Variants in DNM1L observed in about 807,000 individuals in gnomAD.
DNM1L encodes the protein dynamin 1L.
Under a neutral mutation model 92.8 loss-of-function variants are expected in DNM1L, and 33 were observed. The ratio of observed to expected loss-of-function variants is 0.36; its 90% CI spans 0.27 to 0.48. The LOEUF is 0.48. DNM1L is among the 20% of genes least tolerant of loss of function. DNM1L has a pLI of 0.99. For synonymous variants in DNM1L, 284 were observed against 305.0 expected (o/e 0.93, Z 0.72); for missense variants, 485 against 888.8 (o/e 0.55, Z 5.78).
At chr12:32,688,350 T>G (rs1952107170) in intron 1 of DNM1L, among the ~76,000 whole-genome samples, 1 of 152,220 alleles carries the variant, frequency 6.6e-6, no homozygotes, top group Admixed American at 6.5e-5. Context: ...TAAGTTAGAA[T>G]TTTTGATGGG....
intron 18 of DNM1L, among the ~76,000 whole-genome samples, chr12:32,741,248 GA>G (rs375980533): frequency 2.6e-5 from 4 of 152,144 alleles, no homozygotes; most frequent in Admixed American, 1.3e-4. Flanking sequence ...TGGGCCTGAA[GA>G]AAAAAATTCC....
intron 19 of DNM1L, among the ~76,000 whole-genome samples, 187 bp downstream of exon 19, chr12:32,742,935 G>A (rs1425902594): frequency 2.5e-5 from 3 of 119,978 alleles, no homozygotes; most frequent in Non-Finnish European, 4.8e-5. Flanking sequence ...TGGCTCTGTC[G>A]CCCAGGCTGG....
chr12:32,738,993 C>T (rs769959124), intron 16 of DNM1L, among the ~76,000 whole-genome samples: 5 of 152,154 alleles, frequency 3.3e-5, no homozygotes, highest in Admixed American at 6.5e-5. Flanking sequence ...TCATTCATGA[C>T]GTCACACTGA....
chr12:32,679,305 G>T lies in DNM1L; in HGVS notation c.-59G>T, dbSNP rs58142640. ...AGAGGAGGAAGGAGGCGAACTGTGG[G>T]CCCCGGCCCCATTCATTGCCGTGGC... On this transcript the variant is annotated 5_prime_UTR_variant, in exon 1 of 20. Coordinates refer to ENST00000549701, the MANE Select transcript of DNM1L (RefSeq NM_012062.5). 2.6e-4 allele frequency: 322 copies of T among 1,221,620 alleles called. 2 individuals carry two copies. The African/African-American group carries it at 4.4e-3, about 17-fold the overall frequency. 75.7% of individuals were successfully genotyped at this position (1,221,620 alleles called of 1,614,324 possible).
chr12:32,738,288 A>G lies in DNM1L; in HGVS notation c.1699A>G (p.Thr567Ala). 6.2e-7 allele frequency: 1 copy of G among 1,613,670 alleles called. No homozygotes were observed. Among genetic ancestry groups the G allele is most frequent in the Non-Finnish European group, 8.5e-7 (1 of 1,179,750 alleles). ...GTTAATTCAGGACAGCAGAAGAGAA[A>G]CTAAAAATGTGAGTCTCTTGCTTCA... Reference protein sequence around the residue: ...GKLIQDSRRETKNVASGGGGV... With the variant: ...GKLIQDSRREAKNVASGGGGV... The change falls in exon 16 of 20, where the codon ACT becomes GCT. Residue 567 changes from threonine to alanine, a missense_variant. This residue lies in a region of DNM1L where 133 missense variants were observed against 210.9 expected (regional missense o/e 0.63). Coordinates refer to ENST00000549701, the MANE Select transcript of DNM1L (RefSeq NM_012062.5).
At chr12:32,698,257 C>T (rs754290169) in intron 1 of DNM1L, among the ~76,000 whole-genome samples, 12 of 152,090 alleles carry the variant, frequency 7.9e-5, no homozygotes, top group Non-Finnish European at 1.5e-5. Flanking sequence ...GCCCCTATGT[C>T]GTCTGTCTTC....
chr12:32,717,606 T>C (rs1953523441), intron 6 of DNM1L, among the ~76,000 whole-genome samples: 1 of 109,322 alleles, frequency 9.1e-6, no homozygotes, highest in Non-Finnish European at 1.7e-5. Flanking sequence ...AAAAAATACA[T>C]ATACCTAGGT....
chr12:32,725,593 C>T (rs187631376), intron 9 of DNM1L: 1 of 152,016 alleles, frequency 6.6e-6, no homozygotes, highest in Non-Finnish European at 1.5e-5. Context: ...AATTCTTAAC[C>T]ATATAGTTGT....
chr12:32,740,652 T>G (rs541524343), intron 18 of DNM1L, 134 bp downstream of exon 18: 7 of 791,814 alleles, frequency 8.8e-6, no homozygotes, highest in African/African-American at 8.6e-5. Context: ...TGATAGTCCT[T>G]GGGTAACTTG....
chr12:32,739,310 T>C (rs1304857171), intron 16 of DNM1L, among the ~76,000 whole-genome samples: 2 of 152,198 alleles, frequency 1.3e-5, no homozygotes, highest in African/African-American at 4.8e-5. Flanking sequence ...GATGAATTGT[T>C]TTTCCATTAT....
At chr12:32,741,998 C>T (rs773395209) in intron 18 of DNM1L, among the ~76,000 whole-genome samples, 8 of 152,032 alleles carry the variant, frequency 5.3e-5, no homozygotes, top group Non-Finnish European at 1.2e-4. Flanking sequence ...AAGCATTCAT[C>T]AGCTGATGTT....
chr12:32,742,205 A>G (rs2137607828), intron 18 of DNM1L, among the ~76,000 whole-genome samples: 1 of 152,212 alleles, frequency 6.6e-6, no homozygotes, highest in South Asian at 2.1e-4. Context: ...CCTGGGTTCA[A>G]GTGATTCTCG....
intron 9 of DNM1L, among the ~76,000 whole-genome samples, chr12:32,724,150 A>T (rs1437253372): frequency 6.6e-6 from 1 of 152,088 alleles, no homozygotes; most frequent in East Asian, 1.9e-4. Context: ...TTTGTCAAAA[A>T]TAGTCTTATC....
intron 2 of DNM1L, chr12:32,706,075 T>G (rs1952915136): frequency 2.2e-6 from 1 of 450,558 alleles, no homozygotes; most frequent in Non-Finnish European, 3.9e-6. Context: ...TTTATTTTTA[T>G]TTTTGAAGAC....
At chr12:32,683,866 A>G (rs1267509620) in intron 1 of DNM1L, among the ~76,000 whole-genome samples, 2 of 151,892 alleles carry the variant, frequency 1.3e-5, no homozygotes, top group Non-Finnish European at 2.9e-5. Flanking sequence ...TTTAGTAGAG[A>G]CAGCATTTTA....
intron 6 of DNM1L, among the ~76,000 whole-genome samples, chr12:32,716,154 A>G (rs1367843973): frequency 2.0e-5 from 3 of 151,986 alleles, no homozygotes; most frequent in Admixed American, 6.6e-5. Context: ...AAGGTTATGT[A>G]CTATCTGATT....
At chr12:32,686,638 T>A (rs969104532) in intron 1 of DNM1L, among the ~76,000 whole-genome samples, 5 of 152,196 alleles carry the variant, frequency 3.3e-5, no homozygotes, top group Non-Finnish European at 2.9e-5. Flanking sequence ...CTGTTATCAG[T>A]TATTTTGGTA....
chr12:32,700,474 G>A (rs933426463), intron 1 of DNM1L, among the ~76,000 whole-genome samples: 1 of 151,378 alleles, frequency 6.6e-6, no homozygotes, highest in Non-Finnish European at 1.5e-5. Context: ...TAGGCCAGGA[G>A]CAGTGGTTCA....
chr12:32,716,132 A>G (rs1244626119), intron 6 of DNM1L, among the ~76,000 whole-genome samples: 2 of 152,130 alleles, frequency 1.3e-5, no homozygotes, highest in African/African-American at 4.8e-5. Flanking sequence ...AAATGAAAGA[A>G]GCCAGACTCA....
Sources: allele counts gnomAD v4.1 joint callset (sites outside exome capture counted in the v4.1 genomes callset), GRCh38; gene constraint gnomAD v4.1.1; regional missense constraint gnomAD v4.1.1; transcripts MANE v1.5; gene names NCBI Gene and HGNC (gene_info 2026-07-23, HGNC 2026-07-21).